EPHA3: variants seen among roughly 807,000 people sequenced by gnomAD.
The protein encoded by EPHA3 is ephrin type-A receptor 3.
Under a neutral mutation model 107.1 loss-of-function variants are expected in EPHA3, and 42 were observed. The observed-to-expected ratio is 0.39, with a 90% confidence interval of 0.31 to 0.51. EPHA3 has a LOEUF of 0.51. Among genes scored for constraint, EPHA3 ranks in the 20% least tolerant of loss-of-function variants. The pLI is 0.78. For missense variants in EPHA3, 1,183 were observed against 1,211.2 expected, an observed-to-expected ratio of 0.98 and a Z score of 0.35; for synonymous variants, 461 against 424.8, an observed-to-expected ratio of 1.09 and a Z score of -1.05.
chr3:89,472,380 C>G, intron 15 of EPHA3, 84 bp from the exon 16 acceptor site: 2 of 1,402,506 alleles, frequency 1.4e-6, no homozygotes, highest in Non-Finnish European at 2.0e-6. Flanking sequence ...CTGGAAGTTC[C>G]TGCCGATGTT....
intron 3 of EPHA3, among the ~76,000 whole-genome samples, chr3:89,221,184 G>T (rs1241981802): frequency 2.0e-5 from 3 of 152,178 alleles, no homozygotes; most frequent in East Asian, 3.9e-4. Flanking sequence ...TCCCTGAAGC[G>T]CAGAGTATGT....
intron 2 of EPHA3, among the ~76,000 whole-genome samples, chr3:89,209,245 A>G (rs1276592997): frequency 6.6e-6 from 1 of 152,166 alleles, no homozygotes; most frequent in Non-Finnish European, 1.5e-5. Flanking sequence ...TGTTTTTCAC[A>G]CATAACTTGG....
chr3:89,424,841 T>C (rs1709425683), intron 11 of EPHA3, among the ~76,000 whole-genome samples: 1 of 151,458 alleles, frequency 6.6e-6, no homozygotes, highest in Admixed American at 6.6e-5. Context: ...TTTGAAGATG[T>C]TAAATTTCGT....
intron 2 of EPHA3, among the ~76,000 whole-genome samples, chr3:89,135,783 A>G (rs1342254947): frequency 1.3e-5 from 2 of 151,618 alleles, no homozygotes; most frequent in Admixed American, 6.6e-5. Flanking sequence ...CTATGTAAAG[A>G]TAGCTTCATA....
chr3:89,459,298 T>A (rs1349394701), intron 15 of EPHA3, among the ~76,000 whole-genome samples: 2 of 152,074 alleles, frequency 1.3e-5, no homozygotes, highest in African/African-American at 4.8e-5. Flanking sequence ...AATTGGATAA[T>A]GAAAAGGCAA....
intron 5 of EPHA3, among the ~76,000 whole-genome samples, chr3:89,361,599 T>C (rs1292037955): frequency 6.6e-6 from 1 of 151,176 alleles, no homozygotes; most frequent in Non-Finnish European, 1.5e-5. Context: ...TTCACAAATG[T>C]TTCACAGTTT....
intron 3 of EPHA3, among the ~76,000 whole-genome samples, chr3:89,296,245 T>C (rs1352467632): frequency 1.3e-5 from 2 of 152,222 alleles, no homozygotes; most frequent in East Asian, 3.9e-4. Flanking sequence ...TCCAGAAGGT[T>C]TTCCCTTTTC....
chr3:89,302,991 C>T (rs1227544463), intron 3 of EPHA3, among the ~76,000 whole-genome samples: 2 of 152,102 alleles, frequency 1.3e-5, no homozygotes, highest in African/African-American at 4.8e-5. Context: ...GCCCTGAGCT[C>T]AAGTGATCCT....
At chr3:89,300,085 C>T (rs1434414948) in intron 3 of EPHA3, among the ~76,000 whole-genome samples, 1 of 151,978 alleles carries the variant, frequency 6.6e-6, no homozygotes, top group Non-Finnish European at 1.5e-5. Context: ...ATTCACAGTA[C>T]ATTTATGTCT....
chr3:89,261,455 G>C (rs62274981), intron 3 of EPHA3, among the ~76,000 whole-genome samples: 1 of 151,898 alleles, frequency 6.6e-6, no homozygotes, highest in Non-Finnish European at 1.5e-5. Context: ...TGCGGACCTT[G>C]CTTAGAACTT....
intron 3 of EPHA3, among the ~76,000 whole-genome samples, chr3:89,277,854 T>C (rs944954094): frequency 1.3e-5 from 2 of 152,184 alleles, no homozygotes; most frequent in African/African-American, 4.8e-5. Context: ...TTTAAACATC[T>C]TTCACACAAT....
At position 89,331,318 on chromosome 3, in the gene EPHA3, AAAC is replaced by A. The variant is rs1481485431; in HGVS notation, c.815-9589_815-9587del. On this transcript the variant is annotated intron_variant, in intron 3 of 16. Transcript: ENST00000336596. ...TAATGTTTGATGAATAAGAAAGTAC[AAAC>A]AACAACAAAATTATATATACATTTT... 1.1e-4 allele frequency among the ~76,000 whole-genome samples: 16 copies of A among 152,336 alleles called. No homozygotes were observed. In the South Asian group the frequency reaches 2.9e-3, roughly 28 times the overall value.
At chr3:89,226,990 G>C (rs1704516469) in intron 3 of EPHA3, among the ~76,000 whole-genome samples, 1 of 151,934 alleles carries the variant, frequency 6.6e-6, no homozygotes, top group Non-Finnish European at 1.5e-5. Context: ...AAGACATTTT[G>C]AGGCAGACAG....
At chr3:89,338,381 T>C (rs981632673) in intron 3 of EPHA3, among the ~76,000 whole-genome samples, 26 of 152,226 alleles carry the variant, frequency 1.7e-4, no homozygotes, top group African/African-American at 6.3e-4. Flanking sequence ...GTGGAGTCTC[T>C]TCCAACCACC....
intron 1 of EPHA3, among the ~76,000 whole-genome samples, chr3:89,116,779 C>G (rs1051568871): frequency 6.7e-6 from 1 of 149,638 alleles, no homozygotes; most frequent in African/African-American, 2.5e-5. Flanking sequence ...GCCATTCTTT[C>G]AAGCTATTGG....
chr3:89,109,463 T>A (rs1707049675), intron 1 of EPHA3, among the ~76,000 whole-genome samples: 1 of 152,026 alleles, frequency 6.6e-6, no homozygotes, highest in Admixed American at 6.5e-5. Context: ...ATTGTCATGA[T>A]AAATTATATT....
At chr3:89,352,574 G>T (rs1707851525) in intron 5 of EPHA3, among the ~76,000 whole-genome samples, 1 of 150,780 alleles carries the variant, frequency 6.6e-6, no homozygotes, top group South Asian at 2.1e-4. Flanking sequence ...CTTAAAAAAA[G>T]AACTGTAAAA....
intron 13 of EPHA3, among the ~76,000 whole-genome samples, chr3:89,433,520 A>G (rs1174492702): frequency 1.3e-5 from 2 of 152,176 alleles, no homozygotes; most frequent in South Asian, 2.1e-4. Flanking sequence ...GACTCTCCCA[A>G]TGGCTTTTAA....
intron 5 of EPHA3, among the ~76,000 whole-genome samples, chr3:89,392,310 G>T (rs569217233): frequency 3.3e-5 from 5 of 151,964 alleles, no homozygotes; most frequent in Admixed American, 2.0e-4. Context: ...GTGGTGGCAC[G>T]CATCTGTAAT....
Sources: allele counts gnomAD v4.1 joint callset (sites outside exome capture counted in the v4.1 genomes callset), GRCh38; gene constraint gnomAD v4.1.1; transcripts MANE v1.5; gene names NCBI Gene and HGNC (gene_info 2026-07-23, HGNC 2026-07-21).